NEGR1: variants seen among roughly 807,000 people sequenced by gnomAD.
NEGR1 encodes the protein IgLON family member 4.
NEGR1 carries 10 observed loss-of-function variants against 40.9 expected under a neutral mutation model. The ratio of observed to expected loss-of-function variants is 0.24; its 90% confidence interval spans 0.15 to 0.42. The LOEUF (loss-of-function observed/expected upper bound fraction) is 0.42. Among genes scored for constraint, NEGR1 ranks in the 10% least tolerant of loss-of-function variants. NEGR1 has a pLI of 1.00. For missense variants in NEGR1, 352 were observed against 438.9 expected (o/e 0.80, Z 1.77); for synonymous variants, 185 against 166.8 (o/e 1.11, Z -0.84).
Position 71,755,912 on chromosome 1 carries a change from T to C in NEGR1, c.535+20260A>G, listed in dbSNP as rs1655717304. On this transcript the variant is annotated intron_variant, in intron 3 of 6. Coordinates refer to ENST00000357731, the MANE Select transcript of NEGR1 (RefSeq NM_173808.3). ...TTGAAGAAAACAGATGTAAAATAAA[T>C]ATTTATAATATAACCTTTATGTAAT... 2.0e-5 allele frequency among the ~76,000 whole-genome samples: 3 copies of C among 152,292 alleles called. No homozygotes were observed. The South Asian group carries it at 6.2e-4, about 32-fold the overall frequency.
intron 1 of NEGR1, among the ~76,000 whole-genome samples, chr1:71,943,862 T>C (rs1056870390): frequency 6.6e-6 from 1 of 152,192 alleles, no homozygotes; most frequent in Non-Finnish European, 1.5e-5. Context: ...GAGAAGTAGA[T>C]AGGTCTTATC....
chr1:71,560,429 T>TTATATCTATATATATATATA (rs1648410924), intron 6 of NEGR1, among the ~76,000 whole-genome samples: 1 of 114,266 alleles, frequency 8.8e-6, no homozygotes, highest in Non-Finnish European at 1.8e-5. Flanking sequence ...TAATTCTCCA[T>TTATATCTATATATATATATA]TATATATATA....
chr1:72,031,908 C>T (rs959796964), intron 1 of NEGR1, among the ~76,000 whole-genome samples: 3 of 152,072 alleles, frequency 2.0e-5, no homozygotes, highest in Non-Finnish European at 4.4e-5. Flanking sequence ...GTGGAATATC[C>T]AAGATGTGCC....
chr1:71,487,487 G>A (rs1307730019), intron 6 of NEGR1, among the ~76,000 whole-genome samples: 1 of 151,570 alleles, frequency 6.6e-6, no homozygotes, highest in Admixed American at 6.6e-5. Context: ...TAAATTCCAC[G>A]AGTCATTTAC....
At chr1:71,837,923 G>A (rs1659100589) in intron 2 of NEGR1, among the ~76,000 whole-genome samples, 1 of 151,998 alleles carries the variant, frequency 6.6e-6, no homozygotes, top group Admixed American at 6.6e-5. Context: ...AGATAAATTT[G>A]TATTCTTCCT....
intron 4 of NEGR1, among the ~76,000 whole-genome samples, chr1:71,674,572 C>CT (rs1652549252): frequency 7.3e-6 from 1 of 137,232 alleles, no homozygotes; most frequent in Admixed American, 8.1e-5. Context: ...ACTCTGCAGG[C>CT]TTTTGCTGGG....
At chr1:72,033,981 T>C (rs1646881380) in intron 1 of NEGR1, among the ~76,000 whole-genome samples, 1 of 152,208 alleles carries the variant, frequency 6.6e-6, no homozygotes, top group Middle Eastern at 3.2e-3. Context: ...TTCTACTTTA[T>C]ATAAGAAAAC....
chr1:71,684,997 G>A, intron 4 of NEGR1, among the ~76,000 whole-genome samples: 1 of 151,478 alleles, frequency 6.6e-6, no homozygotes, highest in Non-Finnish European at 1.5e-5. Context: ...TTTGCTTTAG[G>A]TTTGTCTTAC....
chr1:71,440,663 C>T (rs551907762), intron 6 of NEGR1, among the ~76,000 whole-genome samples: 4 of 152,160 alleles, frequency 2.6e-5, no homozygotes, highest in Non-Finnish European at 5.9e-5. Flanking sequence ...GTTAGAAAGG[C>T]CTACCATCAG....
At chr1:72,091,622 G>A (rs1266065514) in intron 1 of NEGR1, among the ~76,000 whole-genome samples, 1 of 152,014 alleles carries the variant, frequency 6.6e-6, no homozygotes, top group African/African-American at 2.4e-5. Context: ...TGCAGAGTAG[G>A]GAGAACTGAT....
At chr1:71,738,674 C>T (rs1246711692) in intron 3 of NEGR1, among the ~76,000 whole-genome samples, 1 of 152,034 alleles carries the variant, frequency 6.6e-6, no homozygotes, top group African/African-American at 2.4e-5. Context: ...CCTGTGTGTC[C>T]TGGCTCTGGC....
At chr1:71,662,256 A>C (rs575368534) in intron 4 of NEGR1, among the ~76,000 whole-genome samples, 34 of 152,218 alleles carry the variant, frequency 2.2e-4, no homozygotes, top group Admixed American at 3.9e-4. Flanking sequence ...ATTGGGAAAG[A>C]ATTAAATAAG....
At chr1:72,002,086 A>G (rs1384092734) in intron 1 of NEGR1, among the ~76,000 whole-genome samples, 2 of 151,966 alleles carry the variant, frequency 1.3e-5, no homozygotes, top group African/African-American at 4.8e-5. Flanking sequence ...TCAGAGTTTA[A>G]TATCCGTGTT....
chr1:72,005,697 A>T (rs1444600610), intron 1 of NEGR1, among the ~76,000 whole-genome samples: 2 of 152,090 alleles, frequency 1.3e-5, no homozygotes, highest in East Asian at 3.9e-4. Flanking sequence ...TATTTCTTTT[A>T]TTTAAATAGT....
chr1:71,779,727 C>T (rs1656634315), intron 2 of NEGR1, among the ~76,000 whole-genome samples: 1 of 151,872 alleles, frequency 6.6e-6, no homozygotes, highest in African/African-American at 2.4e-5. Flanking sequence ...GCCACTGCGC[C>T]CAGCTAATTT....
rs530420261 is a variant in NEGR1 at position 71,555,743 on chromosome 1, T to C, written c.940+37074A>G. Among the ~76,000 whole-genome samples the C allele has an allele frequency of 1.4e-4, 22 of 151,762 alleles. No individual in the cohort carries two copies. In the South Asian group the frequency reaches 4.6e-3, roughly 31 times the overall value. ...AGACTGTATGTATTCCCTCTTTGAA[T>C]GTTTGGAAATCACTTTTGATACCCC... On this transcript the variant is annotated intron_variant, in intron 6 of 6. Transcript: ENST00000357731.
intron 2 of NEGR1, among the ~76,000 whole-genome samples, chr1:71,847,051 A>T (rs930519469): frequency 6.6e-6 from 1 of 152,064 alleles, no homozygotes; most frequent in Non-Finnish European, 1.5e-5. Flanking sequence ...TTCTTTTCAC[A>T]TTACTACTCT....
At chr1:71,830,303 A>T (rs747573822) in intron 2 of NEGR1, among the ~76,000 whole-genome samples, 4 of 151,970 alleles carry the variant, frequency 2.6e-5, no homozygotes, top group Non-Finnish European at 4.4e-5. Flanking sequence ...CTAAGTTGAA[A>T]AAGTGTTTTC....
At chr1:71,742,687 A>G (rs192010970) in intron 3 of NEGR1, among the ~76,000 whole-genome samples, 5 of 152,286 alleles carry the variant, frequency 3.3e-5, no homozygotes, top group South Asian at 4.1e-4. Context: ...ATTTTGCCTC[A>G]GGATGAATTA....
Sources: allele counts gnomAD v4.1 joint callset (sites outside exome capture counted in the v4.1 genomes callset), GRCh38; gene constraint gnomAD v4.1.1; transcripts MANE v1.5; gene names NCBI Gene and HGNC (gene_info 2026-07-23, HGNC 2026-07-21).